Variants in FOXN3 observed in about 807,000 individuals in gnomAD.
FOXN3 encodes forkhead box protein N3.
A neutral mutation model predicts 38.4 loss-of-function variants in FOXN3; 7 were observed. The observed-to-expected ratio is 0.18, with a 90% CI of 0.10 to 0.34. The LOEUF is 0.34. Ranked by LOEUF, FOXN3 falls within the 10% of genes least tolerant of loss-of-function variation. The pLI is 1.00. For synonymous variants in FOXN3, 230 were observed against 242.2 expected, an observed-to-expected ratio of 0.95 and a Z score of 0.47; for missense variants, 456 against 613.4, an observed-to-expected ratio of 0.74 and a Z score of 2.71.
chr14:89,583,605 G>C (rs2139914378), intron 1 of FOXN3, among the ~76,000 whole-genome samples: 1 of 152,338 alleles, frequency 6.6e-6, no homozygotes, highest in Non-Finnish European at 1.5e-5. Context: ...CTGTTGCCCA[G>C]GGTGGAGTGC....
chr14:89,567,181 C>T (rs1430180651), intron 1 of FOXN3, among the ~76,000 whole-genome samples: 2 of 152,152 alleles, frequency 1.3e-5, no homozygotes, highest in Admixed American at 6.5e-5. Flanking sequence ...ATCACCACCA[C>T]AAAACCCTTC....
chr14:89,392,999 G>A (rs1890997473), intron 2 of FOXN3, among the ~76,000 whole-genome samples: 2 of 152,066 alleles, frequency 1.3e-5, no homozygotes, highest in Admixed American at 6.5e-5. Context: ...TAGAAATGGG[G>A]TTTCACCATA....
chr14:89,490,097 G>A (rs565553406), intron 1 of FOXN3, among the ~76,000 whole-genome samples: 53 of 152,324 alleles, frequency 3.5e-4, no homozygotes, highest in African/African-American at 1.3e-3. Flanking sequence ...TTTTGCCACA[G>A]TGCTGCGCCC....
At chr14:89,388,021 A>G (rs148776471) in intron 2 of FOXN3, among the ~76,000 whole-genome samples, 1 of 152,310 alleles carries the variant, frequency 6.6e-6, no homozygotes, top group East Asian at 1.9e-4. Flanking sequence ...TGTCTCTACT[A>G]AAAATACAAA....
intron 1 of FOXN3, among the ~76,000 whole-genome samples, chr14:89,611,778 C>T (rs561920014): frequency 5.4e-4 from 80 of 147,090 alleles, no homozygotes; most frequent in Admixed American, 3.2e-3. Flanking sequence ...TGCACTCCAG[C>T]CTGGGCGACA....
In FOXN3 at chr14:89,542,838, T is replaced by C. The variant is rs372495732; in HGVS notation, c.-15+76190A>G. Among the ~76,000 whole-genome samples, 4 of 152,184 alleles carry C rather than the reference T, an allele frequency of 2.6e-5. 1 individual carries two copies. Among genetic ancestry groups the C allele is most frequent in the East Asian group, 3.8e-4 (2 of 5,200 alleles). ...AAGGAAACACATTTGGCTGATACAG[T>C]CCATTATTAAAATTGCATTTCAGCA... On this transcript the variant is annotated intron_variant, in intron 1 of 6. Transcript: ENST00000345097.
Position 89,162,488 on chromosome 14 carries a change from G to A in FOXN3, c.1333C>T (p.Arg445Trp). ...TTGGTGATGTTATTCAAACAGGACC[G>A]GATCCCTGCTAAGTGCAGGAGGGAC... ...AGSLLHLAGI[R>W]SCLNNITNRT... is the part of the protein sequence containing the mutation. The change falls in exon 6 of 6, where the codon CGG (arginine) becomes TGG (tryptophan). Residue 445 changes from arginine (R) to tryptophan (W), a missense_variant. Arg to Trp is a moderately radical substitution (Grantham distance 101). Around this residue, in one of 3 missense-constraint regions of FOXN3, gnomAD observed 386 missense variants for 505.2 expected, o/e 0.76. Coordinates refer to ENST00000557258, the MANE Select transcript of FOXN3 (RefSeq NM_005197.4). This position sits in a 1 kb window ranked among gnomAD's most constrained non-coding sequence, Gnocchi z 7.2. 6.2e-7 allele frequency: 1 copy of A among 1,612,940 alleles called. No individual in the cohort carries two copies. The highest frequency in any genetic ancestry group is 8.5e-7 in the Non-Finnish European group (1 of 1,179,758).
intron 3 of FOXN3, among the ~76,000 whole-genome samples, chr14:89,299,226 A>G (rs1887144306): frequency 6.6e-6 from 1 of 152,180 alleles, no homozygotes; most frequent in Admixed American, 6.5e-5. Flanking sequence ...AGGTGGAGAG[A>G]TTTGAATCAT....
chr14:89,436,089 C>T (rs1187954689), intron 1 of FOXN3, among the ~76,000 whole-genome samples: 2 of 151,478 alleles, frequency 1.3e-5, no homozygotes, highest in Non-Finnish European at 2.9e-5. Context: ...GATCCTCCTG[C>T]CTCGGCCTCC....
intron 5 of FOXN3, among the ~76,000 whole-genome samples, chr14:89,177,017 T>C (rs1047236843): frequency 5.4e-5 from 8 of 149,022 alleles, no homozygotes; most frequent in South Asian, 2.1e-4. Context: ...TTCTTTTTTT[T>C]TTTTTTTTTT....
chr14:89,478,589 C>G (rs1479432299), intron 1 of FOXN3, among the ~76,000 whole-genome samples: 2 of 152,080 alleles, frequency 1.3e-5, no homozygotes, highest in South Asian at 2.1e-4. Context: ...AGAGCTGCCA[C>G]AGAATAAAGT....
intron 1 of FOXN3, among the ~76,000 whole-genome samples, chr14:89,607,994 T>TC (rs1349145764): frequency 6.6e-6 from 1 of 151,158 alleles, no homozygotes; most frequent in Non-Finnish European, 1.5e-5. Flanking sequence ...TTTTTTTTTT[T>TC]TTGAGACAGA....
intron 3 of FOXN3, among the ~76,000 whole-genome samples, chr14:89,310,462 C>CCGAT (rs760916252): frequency 6.6e-5 from 10 of 152,156 alleles, no homozygotes; most frequent in Non-Finnish European, 1.5e-4. Flanking sequence ...ATAAAGCTGC[C>CCGAT]CGATTTTCAT....
At chr14:89,585,230 T>C (rs575223127) in intron 1 of FOXN3, among the ~76,000 whole-genome samples, 8 of 152,302 alleles carry the variant, frequency 5.3e-5, no homozygotes, top group Non-Finnish European at 8.8e-5. Context: ...TTTTTGCCAA[T>C]TCGAATTCTA....
intron 1 of FOXN3, among the ~76,000 whole-genome samples, chr14:89,473,389 T>A (rs1893147347): frequency 6.7e-6 from 1 of 150,302 alleles, no homozygotes; most frequent in African/African-American, 2.5e-5. Context: ...ACGCTTTTTT[T>A]TTTTTTTCCT....
At chr14:89,261,481 A>G (rs1196151844) in intron 4 of FOXN3, among the ~76,000 whole-genome samples, 2 of 152,084 alleles carry the variant, frequency 1.3e-5, no homozygotes, top group African/African-American at 2.4e-5. Flanking sequence ...CTACCTTTCC[A>G]TATTTCTGAA....
chr14:89,415,482 C>A (rs1193461101), intron 1 of FOXN3, among the ~76,000 whole-genome samples: 1 of 151,822 alleles, frequency 6.6e-6, no homozygotes. Flanking sequence ...GCGTTTTGTG[C>A]TGGGACCCCG....
At chr14:89,345,642 C>T (rs1480024055) in intron 3 of FOXN3, among the ~76,000 whole-genome samples, 2 of 152,156 alleles carry the variant, frequency 1.3e-5, no homozygotes, top group South Asian at 2.1e-4. Context: ...TACTCCCCTC[C>T]GAGTCCCCAA....
At chr14:89,520,766 T>C (rs748734104) in intron 1 of FOXN3, among the ~76,000 whole-genome samples, 8 of 151,818 alleles carry the variant, frequency 5.3e-5, no homozygotes, top group Non-Finnish European at 1.0e-4. Flanking sequence ...ACTAGACATA[T>C]AAAGAAATAA....
Sources: gnomAD v4.1 joint callset for allele counts (sites outside exome capture counted in the v4.1 genomes callset) on GRCh38, gnomAD v4.1.1 for gene constraint, gnomAD v4.1.1 regional missense constraint, Gnocchi (gnomAD v3.1) non-coding constraint, MANE v1.5 for transcripts, NCBI Gene and HGNC (gene_info 2026-07-23, HGNC 2026-07-21) for gene names.